The following PPP2R5C variants were observed in gnomAD, a reference collection of about 807,000 sequenced individuals.
PPP2R5C encodes protein phosphatase 2 regulatory subunit B'gamma.
Under a neutral mutation model 68.9 loss-of-function variants are expected in PPP2R5C, and 7 were observed. The ratio of observed to expected loss-of-function variants is 0.10; its 90% CI spans 0.06 to 0.19. PPP2R5C has a LOEUF of 0.19. PPP2R5C is among the 10% of genes least tolerant of loss of function. The pLI, the probability that PPP2R5C is intolerant of heterozygous loss-of-function variation, is 1.00. For synonymous variants in PPP2R5C, 210 were observed against 222.2 expected, an observed-to-expected ratio of 0.95 and a Z score of 0.49; for missense variants, 348 against 641.3, an observed-to-expected ratio of 0.54 and a Z score of 4.94.
chr14:101,812,779 A>G (rs917828747), intron 1 of PPP2R5C, among the ~76,000 whole-genome samples: 1 of 152,236 alleles, frequency 6.6e-6, no homozygotes, highest in Admixed American at 6.5e-5. Flanking sequence ...AGCAGGGGCT[A>G]TGGCCCAGCT....
At chr14:101,889,280 A>C (rs2044704120) in intron 5 of PPP2R5C, among the ~76,000 whole-genome samples, 1 of 152,036 alleles carries the variant, frequency 6.6e-6, no homozygotes, top group Admixed American at 6.6e-5. Flanking sequence ...GATCTTTCAG[A>C]CCCTCTCACT....
chr14:101,766,653 C>T (rs1405842309), intron 2 of PPP2R5C: 5 of 152,166 alleles, frequency 3.3e-5, no homozygotes, highest in Non-Finnish European at 4.4e-5. Context: ...CTTCTGCACA[C>T]GTGTCCTGGA....
intron 1 of PPP2R5C, among the ~76,000 whole-genome samples, chr14:101,812,555 T>A (rs1566859251): frequency 1.3e-5 from 2 of 152,208 alleles, no homozygotes; most frequent in African/African-American, 2.4e-5. Flanking sequence ...TGGATCTTTT[T>A]AAAAAAATCA....
chr14:101,765,341 C>T, intron 2 of PPP2R5C: 2 of 682,608 alleles, frequency 2.9e-6, no homozygotes, highest in East Asian at 2.7e-5. Flanking sequence ...TTCATTTGAC[C>T]TTTGAGTTGA....
chr14:101,790,250 T>C (rs2038296557), intron 3 of PPP2R5C, among the ~76,000 whole-genome samples: 1 of 152,242 alleles, frequency 6.6e-6, no homozygotes, highest in African/African-American at 2.4e-5. Context: ...CATAGGTTTT[T>C]CTTTTTTAGA....
chr14:101,881,712 C>T lies in PPP2R5C; in HGVS notation c.295-449C>T, dbSNP rs1457986704. The stretch of plus-strand genomic sequence containing the variant: ...AGAGGATGTTGGTGCCATTGTCACA[C>T]GGGTCCTCCCTGCGTGACGCAGCCC... On this transcript the variant is annotated intron_variant, in intron 2 of 13. Transcript: ENST00000334743. Among the ~76,000 whole-genome samples, 129 of 152,364 alleles carry T rather than the reference C, an allele frequency of 8.5e-4. 1 individual carries two copies. The highest frequency in any genetic ancestry group is 1.3e-4 in the Non-Finnish European group (9 of 68,044).
At chr14:101,828,930 C>T (rs2040564671) in intron 1 of PPP2R5C, among the ~76,000 whole-genome samples, 2 of 152,180 alleles carry the variant, frequency 1.3e-5, no homozygotes, top group East Asian at 1.9e-4. Flanking sequence ...CCACCCGCCT[C>T]GGCTTCTCAA....
chr14:101,815,075 C>T lies in PPP2R5C; in HGVS notation c.94+5039C>T, dbSNP rs145286998. Among the ~76,000 whole-genome samples the T allele has an allele frequency of 2.5e-3, 386 of 152,284 alleles. 2 individuals carry two copies. Among genetic ancestry groups the T allele is most frequent in the Middle Eastern group, 6.8e-3 (2 of 294 alleles). ...AGTGTGCTAGGTCACAGCTGAAACC[C>T]TGTACCTCTGTTCTCTCTCTGAATC... On this transcript the variant is annotated intron_variant, in intron 1 of 13. Coordinates refer to ENST00000334743, the Ensembl canonical transcript of PPP2R5C.
intron 1 of PPP2R5C, among the ~76,000 whole-genome samples, chr14:101,850,366 A>G (rs1381612026): frequency 1.3e-5 from 2 of 152,278 alleles, no homozygotes; most frequent in Non-Finnish European, 2.9e-5. Context: ...GTTTTTAAAG[A>G]TACCATTGAC....
chr14:101,919,173 A>G lies in PPP2R5C; in HGVS notation c.1443+1226A>G, dbSNP rs556825870. ...TGCACAGGAAAGGGCTCACGGCACC[A>G]AGTCCCCACGGCAGCCACGGTCATC... On this transcript the variant is annotated intron_variant, in intron 13 of 13. Coordinates refer to ENST00000334743, the Ensembl canonical transcript of PPP2R5C. Among the ~76,000 whole-genome samples the G allele has an allele frequency of 4.7e-4, 72 of 152,366 alleles. No individual in the cohort carries two copies. The Middle Eastern group carries it at 0.01, about 22-fold the overall frequency.
chr14:101,826,457 G>A (rs1404946690), intron 1 of PPP2R5C, among the ~76,000 whole-genome samples: 2 of 152,024 alleles, frequency 1.3e-5, no homozygotes, highest in East Asian at 1.9e-4. Flanking sequence ...ACCATAAAAG[G>A]GTTTATTTCT....
intron 1 of PPP2R5C, chr14:101,836,528 GT>G (rs1224421010): frequency 1.7e-6 from 1 of 572,484 alleles, no homozygotes; most frequent in African/African-American, 1.9e-5. Flanking sequence ...TCAAAATATT[GT>G]TTAGACAAAA....
intron 2 of PPP2R5C, among the ~76,000 whole-genome samples, chr14:101,769,858 C>T (rs1566822362): frequency 1.3e-5 from 2 of 152,080 alleles, no homozygotes; most frequent in African/African-American, 2.4e-5. Context: ...TGAGGGGGTA[C>T]GTTCTGAGAG....
chr14:101,779,995 C>G (rs1344776796), intron 2 of PPP2R5C, among the ~76,000 whole-genome samples: 1 of 152,174 alleles, frequency 6.6e-6, no homozygotes, highest in Non-Finnish European at 1.5e-5. Context: ...ATTGCCCAGC[C>G]TTGGCCATCA....
intron 2 of PPP2R5C, among the ~76,000 whole-genome samples, chr14:101,773,679 A>G (rs1425713768): frequency 2.0e-5 from 3 of 152,088 alleles, no homozygotes; most frequent in Non-Finnish European, 4.4e-5. Flanking sequence ...GGATTTTGGC[A>G]GGGAGGGGGA....
In PPP2R5C at chr14:101,917,720, C is replaced by T. The variant is rs1462865323; in HGVS notation, c.1327-111C>T. ...AGTCTCCCACTGAGTGGGCTTCCTG[C>T]GGGAGAGGGCCCTGGGGGGCGGCAG... is the stretch of plus-strand genomic sequence containing the variant. On this transcript the variant is annotated intron_variant, in intron 12 of 13. Coordinates refer to ENST00000334743, the Ensembl canonical transcript of PPP2R5C. This position sits in a 1 kb window ranked among gnomAD's most constrained non-coding sequence, Gnocchi z 4.4. The T allele has an allele frequency of 8.9e-6, 13 of 1,467,580 alleles. No individual in the cohort carries two copies. The East Asian group carries it at 1.2e-4, about 13-fold the overall frequency. The allele number at this position is 1,467,580 out of a possible 1,614,324, so 90.9% of individuals were successfully genotyped here.
At chr14:101,773,622 C>A in intron 2 of PPP2R5C, among the ~76,000 whole-genome samples, 1 of 152,074 alleles carries the variant, frequency 6.6e-6, no homozygotes, top group Admixed American at 6.5e-5. Context: ...CGAGCACAGA[C>A]AAGGTAGGGT....
At chr14:101,903,688 T>A (rs76370060) in intron 9 of PPP2R5C, among the ~76,000 whole-genome samples, 1 of 152,100 alleles carries the variant, frequency 6.6e-6, no homozygotes, top group Non-Finnish European at 1.5e-5. Flanking sequence ...TTTTTTTTTT[T>A]CCTTTGAGAT....
intron 2 of PPP2R5C, among the ~76,000 whole-genome samples, chr14:101,873,773 C>A (rs1459001650): frequency 6.6e-6 from 1 of 152,192 alleles, no homozygotes; most frequent in African/African-American, 2.4e-5. Flanking sequence ...CAGTTTGAAT[C>A]CTGGGTCCCA....
Sources: gnomAD v4.1 joint callset for allele counts (sites outside exome capture counted in the v4.1 genomes callset) on GRCh38, gnomAD v4.1.1 for gene constraint, Gnocchi (gnomAD v3.1) non-coding constraint, MANE v1.5 for transcripts, NCBI Gene and HGNC (gene_info 2026-07-23, HGNC 2026-07-21) for gene names.